ZNF366: variants seen among roughly 807,000 people sequenced by gnomAD.
ZNF366 encodes zinc finger protein 366.
In ZNF366, 20 loss-of-function variants were observed where a neutral mutation model predicts 47.2. The ratio of observed to expected loss-of-function variants is 0.42; its 90% confidence interval spans 0.30 to 0.62. The LOEUF (loss-of-function observed/expected upper bound fraction) is 0.62. Among genes scored for constraint, ZNF366 ranks in the 20% least tolerant of loss-of-function variants. The pLI, the probability that ZNF366 is intolerant of heterozygous loss-of-function variation, is 0.16. For missense variants in ZNF366, 987 were observed against 976.3 expected (o/e 1.01, Z -0.15); for synonymous variants, 421 against 395.1 (o/e 1.07, Z -0.78).
At chr5:72,479,258 G>C (rs550079773) in intron 1 of ZNF366, among the ~76,000 whole-genome samples, 2 of 152,178 alleles carry the variant, frequency 1.3e-5, no homozygotes, top group East Asian at 3.9e-4. Flanking sequence ...TGAATAGCCT[G>C]ATTGTACAAG....
At chr5:72,472,882 T>C (rs930776116) in intron 1 of ZNF366, among the ~76,000 whole-genome samples, 1 of 152,088 alleles carries the variant, frequency 6.6e-6, no homozygotes, top group African/African-American at 2.4e-5. Context: ...AACCACACAA[T>C]ATCAAAGTGC....
At chr5:72,481,577 A>C (rs534735008) in intron 1 of ZNF366, among the ~76,000 whole-genome samples, 3 of 152,328 alleles carry the variant, frequency 2.0e-5, no homozygotes, top group Admixed American at 2.0e-4. Context: ...ATTAATTTTC[A>C]GGTCTTAATA....
Position 72,443,967 on chromosome 5 carries a change from C to T in ZNF366, c.2024G>A (p.Trp675Ter), listed in dbSNP as rs1185098082. Residue 675 changes from tryptophan (W) to a stop codon, truncating the protein, a stop_gained, in exon 5 of 5, where the codon TGG (tryptophan) becomes TAG (stop). Transcript: ENST00000318442. LOFTEE classifies it high-confidence loss of function. Reference protein sequence around the residue: ...EEKEDASKGEWEKRSKGDLGA... With the variant: ...EEKEDASKGE ...AAGGTCACCCTTGCTCCTCTTCTCC[C>T]ATTCTCCCTTGGATGCATCCTCCTT... The T allele has an allele frequency of 6.2e-7, 1 of 1,614,204 alleles. No individual in the cohort carries two copies. The highest frequency in any genetic ancestry group is 1.1e-5 in the South Asian group (1 of 91,086).
At chr5:72,455,731 C>T (rs1417266401) in intron 3 of ZNF366, among the ~76,000 whole-genome samples, 5 of 152,186 alleles carry the variant, frequency 3.3e-5, no homozygotes, top group African/African-American at 1.2e-4. Context: ...ATTAGTCTAA[C>T]AGATATTTTA....
intron 3 of ZNF366, among the ~76,000 whole-genome samples, chr5:72,449,287 C>T (rs1171619247): frequency 7.0e-6 from 1 of 143,824 alleles, no homozygotes; most frequent in African/African-American, 2.6e-5. Flanking sequence ...GCTCTGTTGT[C>T]AAGGCTGGAG....
chr5:72,502,986 G>A (rs909179130), intron 1 of ZNF366, among the ~76,000 whole-genome samples: 15 of 152,162 alleles, frequency 9.9e-5, no homozygotes, highest in Admixed American at 4.6e-4. Context: ...TTAGCCAGGC[G>A]TGGTGGCGGG....
rs753388035 is a variant in ZNF366 at position 72,461,134 on chromosome 5, G to A, written c.363C>T (p.Arg121=). ...NLPLLFPQPP[R]PKYDSQMIDL... is the part of the protein sequence containing the mutation. ...CGATCATCTGAGAGTCATACTTGGG[G>A]CGCGGGGGCTGCGGGAACAGCAAAG... The change falls in exon 2 of 5, where the codon CGC becomes CGT. Residue 121 remains arginine, a synonymous_variant. Coordinates refer to ENST00000318442, the MANE Select transcript of ZNF366 (RefSeq NM_152625.3). 126 of 1,613,998 alleles carry A rather than the reference G, an allele frequency of 7.8e-5. No homozygotes were observed. The South Asian group carries it at 1.3e-3, about 17-fold the overall frequency.
Position 72,447,230 on chromosome 5 carries a change from G to T in ZNF366, c.1699+13C>A. On this transcript the variant is annotated intron_variant, in intron 4 of 4. Coordinates refer to ENST00000318442, the MANE Select transcript of ZNF366 (RefSeq NM_152625.3). ...CTGGACTGACTTGCAGGGCTTCCCA[G>T]AAGAGTGATTACCTTGGGAATGAAG... 1 of 1,613,798 alleles carries T rather than the reference G, an allele frequency of 6.2e-7. No individual in the cohort carries two copies. The highest frequency in any genetic ancestry group is 1.7e-4 in the Middle Eastern group (1 of 6,060).
intron 1 of ZNF366, among the ~76,000 whole-genome samples, chr5:72,503,527 T>G (rs920763649): frequency 7.0e-6 from 1 of 142,022 alleles, no homozygotes; most frequent in African/African-American, 2.7e-5. Flanking sequence ...AGGTGAATTC[T>G]AATACACACA....
chr5:72,494,146 G>A (rs915330131), intron 1 of ZNF366: 1 of 151,942 alleles, frequency 6.6e-6, no homozygotes, highest in Non-Finnish European at 1.5e-5. Context: ...CATAACATAT[G>A]ACTAAATACT....
intron 1 of ZNF366, among the ~76,000 whole-genome samples, chr5:72,489,896 G>T (rs557745028): frequency 6.6e-6 from 1 of 152,246 alleles, no homozygotes; most frequent in Admixed American, 6.5e-5. Flanking sequence ...CAATGCAGCA[G>T]CATCATGCTG....
rs559489699 is a variant in ZNF366, at chr5:72,479,812, C to T, written c.-14-18302G>A. On this transcript the variant is annotated intron_variant, in intron 1 of 4. Coordinates refer to ENST00000318442, the MANE Select transcript of ZNF366 (RefSeq NM_152625.3). ...CATGTGTAATCTCTATATAAACACA[C>T]ACCTGCCTGAGACAGCTTAGATGAC... Among the ~76,000 whole-genome samples the T allele has an allele frequency of 2.2e-4, 33 of 152,328 alleles. No individual in the cohort carries two copies. The East Asian group carries it at 6.0e-3, about 28-fold the overall frequency.
rs766770817 is a variant in ZNF366 at position 72,447,251 on chromosome 5, T to C, written c.1691A>G (p.His564Arg). ...CCCAGAAGAGTGATTACCTTGGGAA[T>C]GAAGGCCCCGCTCCATGACTCCATG... ...VKHGVMERGL[H>R]SQGLGRGRIA... Residue 564 changes from histidine to arginine, a missense_variant, in exon 4 of 5, where the codon CAT (histidine) becomes CGT (arginine). Transcript: ENST00000318442. The C allele has an allele frequency of 6.2e-7, 1 of 1,614,138 alleles. No homozygotes were observed. Among genetic ancestry groups the C allele is most frequent in the Non-Finnish European group, 8.5e-7 (1 of 1,180,002 alleles).
At chr5:72,459,070 G>C (rs965315872) in intron 2 of ZNF366, among the ~76,000 whole-genome samples, 1 of 152,138 alleles carries the variant, frequency 6.6e-6, no homozygotes, top group Admixed American at 6.5e-5. Flanking sequence ...GTATCTACAG[G>C]TACCTTTTGT....
rs746136677 is a variant in ZNF366 at position 72,461,109 on chromosome 5, C to T, written c.388G>A (p.Asp130Asn). 17 of 1,613,838 alleles carry T rather than the reference C, an allele frequency of 1.1e-5. No homozygotes were observed. In the Admixed American group the frequency reaches 2.2e-4, roughly 21 times the overall value. ...PRPKYDSQMI[D>N]LCNVGFQFYR... ...AATTGGAAGCCCACGTTGCACAGGT[C>T]GATCATCTGAGAGTCATACTTGGGG... Residue 130 changes from aspartate (D) to asparagine (N), a missense_variant, in exon 2 of 5, where the codon GAC becomes AAC. Around this residue, in one of 3 missense-constraint regions of ZNF366, gnomAD observed 591 missense variants for 560.9 expected, o/e 1.05. Coordinates refer to ENST00000318442, the MANE Select transcript of ZNF366 (RefSeq NM_152625.3).
In ZNF366 at chr5:72,448,034, C is replaced by G. The variant is rs530549051; in HGVS notation, c.1525-617G>C. Among the ~76,000 whole-genome samples, 6 of 152,278 alleles carry G rather than the reference C, an allele frequency of 3.9e-5. No homozygotes were observed. The East Asian group carries it at 9.6e-4, about 24-fold the overall frequency. On this transcript the variant is annotated intron_variant, in intron 3 of 4. Coordinates refer to ENST00000318442, the MANE Select transcript of ZNF366 (RefSeq NM_152625.3). ...GTCTCCCAACACAACTCTTCTGTATCAGGCAGAAGAGAATAAAAGAGTACA... is the reference window on the plus strand; with the variant it reads ...GTCTCCCAACACAACTCTTCTGTATGAGGCAGAAGAGAATAAAAGAGTACA...
chr5:72,490,986 G>A (rs1480975866), intron 1 of ZNF366, among the ~76,000 whole-genome samples: 2 of 152,180 alleles, frequency 1.3e-5, no homozygotes, highest in African/African-American at 2.4e-5. Context: ...CTGACCTGTG[G>A]ACTCTGAGTC....
chr5:72,464,813 C>A (rs1037734333), intron 1 of ZNF366, among the ~76,000 whole-genome samples: 3 of 152,112 alleles, frequency 2.0e-5, no homozygotes, highest in African/African-American at 7.2e-5. Context: ...GTAATCCCAG[C>A]AATTTGGGAG....
At chr5:72,478,158 G>A (rs1240296669) in intron 1 of ZNF366, among the ~76,000 whole-genome samples, 1 of 152,198 alleles carries the variant, frequency 6.6e-6, no homozygotes, top group Non-Finnish European at 1.5e-5. Flanking sequence ...GCTCCCAGGA[G>A]TTTGTGAGCT....
Sources: gnomAD v4.1 joint callset for allele counts (sites outside exome capture counted in the v4.1 genomes callset) on GRCh38, gnomAD v4.1.1 for gene constraint, gnomAD v4.1.1 regional missense constraint, MANE v1.5 for transcripts, NCBI Gene and HGNC (gene_info 2026-07-23, HGNC 2026-07-21) for gene names.